SHISA5: variants seen among roughly 807,000 people sequenced by gnomAD.
SHISA5 encodes the protein protein shisa-5.
A neutral mutation model predicts 27.5 loss-of-function variants in SHISA5; 21 were observed. That is an observed-to-expected ratio of 0.76 (90% CI 0.54 to 1.10). The LOEUF is 1.10. Ranked by LOEUF, SHISA5 falls within the 50% of genes least tolerant of loss-of-function variation. The pLI is 0.00. For synonymous variants in SHISA5, 137 were observed against 142.2 expected, an observed-to-expected ratio of 0.96 and a Z score of 0.26; for missense variants, 314 against 336.3, an observed-to-expected ratio of 0.93 and a Z score of 0.52.
rs2040723789 is a variant in SHISA5, at chr3:48,473,688, C to A, written c.315-3845G>T. ...ATGGCTCCTGTAGCTCTTGCGATTA[C>A]AAAGGAATTTGCTTTATAATTACAT... On this transcript the variant is annotated intron_variant, in intron 3 of 5. Transcript: ENST00000296444. The surrounding 1 kb of genome is among the most constrained non-coding windows in gnomAD (Gnocchi z 4.3). 7 of 805,638 alleles carry A rather than the reference C, an allele frequency of 8.7e-6. No homozygotes were observed. Among genetic ancestry groups the A allele is most frequent in the Non-Finnish European group, 1.1e-5 (7 of 666,134 alleles). The allele number at this position is 805,638 out of a possible 1,614,324, so 49.9% of individuals were successfully genotyped here. A position where few individuals can be genotyped will look rare whatever the true frequency, so the allele number is the denominator to read the frequency against.
intron 2 of SHISA5, among the ~76,000 whole-genome samples, chr3:48,486,323 T>TATATATATTATA: frequency 3.3e-4 from 1 of 3,074 alleles, no homozygotes; most frequent in South Asian, 0.02. Flanking sequence ...ATATAATACA[T>TATATATATTATA]TATGTTATAT....
chr3:48,470,018 T>C lies in SHISA5; in HGVS notation c.315-175A>G. On this transcript the variant is annotated intron_variant, in intron 3 of 5. Coordinates refer to ENST00000296444, the MANE Select transcript of SHISA5 (RefSeq NM_016479.6). The surrounding 1 kb of genome is among the most constrained non-coding windows in gnomAD (Gnocchi z 4.3). ...CTGTTTCCTCTTGTGTAAACTGGGG[T>C]ATATGTGAGTCCCTGTAACTGTCTC... is the stretch of plus-strand genomic sequence containing the variant. The C allele has an allele frequency of 1.3e-6, 1 of 779,236 alleles. No individual in the cohort carries two copies. The highest frequency in any genetic ancestry group is 2.0e-6 in the Non-Finnish European group (1 of 490,580). The allele number at this position is 779,236 out of a possible 1,614,324, so 48.3% of individuals were successfully genotyped here.
Position 48,479,221 on chromosome 3 carries a change from G to A in SHISA5, c.270C>T (p.Gly90=). The A allele has an allele frequency of 6.3e-7, 1 of 1,576,336 alleles. No homozygotes were observed. Among genetic ancestry groups the A allele is most frequent in the Middle Eastern group, 1.7e-4 (1 of 5,944 alleles). The change falls in exon 3 of 6, where the codon GGC becomes GGT. Residue 90 remains glycine (G), a synonymous_variant. Coordinates refer to ENST00000296444, the MANE Select transcript of SHISA5 (RefSeq NM_016479.6). Reference sequence around the variant, plus strand: ...AGCCAGGGCGAAACCTCAGCGCCGAGCCCAGCTGCTCCACCGGCTCTACAC... The same window carrying A: ...AGCCAGGGCGAAACCTCAGCGCCGAACCCAGCTGCTCCACCGGCTCTACAC... The part of the protein sequence containing the change: ...PASVEPVEQL[G]SALRFRPGYN...
chr3:48,499,569 A>G (rs2041689035), intron 2 of SHISA5, among the ~76,000 whole-genome samples: 1 of 149,860 alleles, frequency 6.7e-6, no homozygotes, highest in Non-Finnish European at 1.5e-5. Context: ...AGTTCCAGCT[A>G]CTTGGGAGGC....
At chr3:48,502,152 G>A (rs566428385) in intron 1 of SHISA5, among the ~76,000 whole-genome samples, 6 of 152,014 alleles carry the variant, frequency 3.9e-5, no homozygotes, top group Non-Finnish European at 8.8e-5. Flanking sequence ...ATGAGCCACC[G>A]CACCCCAGCC....
chr3:48,473,587 C>T lies in SHISA5; in HGVS notation c.315-3744G>A. Reference sequence around the variant, plus strand: ...CACCAGCACTCTCTCCAATCTGTCTCCCCATGTTCTCCCGGCCACCCTACT... The same window carrying T: ...CACCAGCACTCTCTCCAATCTGTCTTCCCATGTTCTCCCGGCCACCCTACT... On this transcript the variant is annotated intron_variant, in intron 3 of 5. Coordinates refer to ENST00000296444, the MANE Select transcript of SHISA5 (RefSeq NM_016479.6). This position sits in a 1 kb window ranked among gnomAD's most constrained non-coding sequence, Gnocchi z 4.3. The T allele has an allele frequency of 8.1e-7, 1 of 1,239,012 alleles. No homozygotes were observed. The allele number at this position is 1,239,012 out of a possible 1,614,324, so 76.8% of individuals were successfully genotyped here. A position where few individuals can be genotyped will look rare whatever the true frequency, so the allele number is the denominator to read the frequency against.
At position 48,503,512 on chromosome 3, in the gene SHISA5, G is replaced by A. The variant is rs889238150; in HGVS notation, c.76+507C>T. ...CCCCAGCCAGCCTTCCAGACTCTGT[G>A]AATCACCTATCTGCAACCAACACAC... On this transcript the variant is annotated intron_variant, in intron 1 of 5. Coordinates refer to ENST00000296444, the MANE Select transcript of SHISA5 (RefSeq NM_016479.6). Among the ~76,000 whole-genome samples, 9 of 152,306 alleles carry A rather than the reference G, an allele frequency of 5.9e-5. No individual in the cohort carries two copies. The South Asian group carries it at 1.7e-3, about 28-fold the overall frequency.
chr3:48,469,631 G>A lies in SHISA5; in HGVS notation c.431-58C>T. 6.3e-7 allele frequency: 1 copy of A among 1,593,208 alleles called. No homozygotes were observed. The highest frequency in any genetic ancestry group is 8.6e-7 in the Non-Finnish European group (1 of 1,168,690). ...CATCTCCCCAGGTCTTGAGAGCCAG[G>A]CTTGCCACCCATCCCTCCAGCTTAG... On this transcript the variant is annotated intron_variant, in intron 4 of 5. Transcript: ENST00000296444. The surrounding 1 kb of genome is among the most constrained non-coding windows in gnomAD (Gnocchi z 4.6).
intron 3 of SHISA5, among the ~76,000 whole-genome samples, chr3:48,472,830 C>T (rs1298284183): frequency 6.6e-6 from 1 of 152,192 alleles, no homozygotes; most frequent in Non-Finnish European, 1.5e-5. Context: ...CAGGACAAGG[C>T]CCTAAAACAG....
chr3:48,487,819 C>T (rs1380895485), intron 2 of SHISA5, among the ~76,000 whole-genome samples: 2 of 152,180 alleles, frequency 1.3e-5, no homozygotes, highest in African/African-American at 4.8e-5. Flanking sequence ...TCGCTTGAAC[C>T]TGGGAGGCAG....
chr3:48,468,803 C>T lies in SHISA5; in HGVS notation c.*304G>A. On this transcript the variant is annotated 3_prime_UTR_variant, in exon 6 of 6. Coordinates refer to ENST00000296444, the MANE Select transcript of SHISA5 (RefSeq NM_016479.6). Reference sequence around the variant, plus strand: ...TGGAGAGGCCCCCACCTCTCAGGGGCCACCTCACAGGGTGCCCCCCACCAC... The same window carrying T: ...TGGAGAGGCCCCCACCTCTCAGGGGTCACCTCACAGGGTGCCCCCCACCAC... The T allele has an allele frequency of 6.9e-7, 1 of 1,446,070 alleles. No individual in the cohort carries two copies. Among genetic ancestry groups the T allele is most frequent in the Non-Finnish European group, 9.2e-7 (1 of 1,089,400 alleles). 89.6% of individuals were successfully genotyped at this position (1,446,070 alleles called of 1,614,324 possible). A position where few individuals can be genotyped will look rare whatever the true frequency, so the allele number is the denominator to read the frequency against.
rs2040458380 is a variant in SHISA5, at chr3:48,468,773, T to G, written c.*334A>C. On this transcript the variant is annotated 3_prime_UTR_variant, in exon 6 of 6. Transcript: ENST00000296444. ...GTAAGCTGGAGAAGAACTCCAGATGTGCCCTGGAGAGGCCCCCACCTCTCA... is the reference window on the plus strand; with the variant it reads ...GTAAGCTGGAGAAGAACTCCAGATGGGCCCTGGAGAGGCCCCCACCTCTCA... 1 of 1,398,076 alleles carries G rather than the reference T, an allele frequency of 7.2e-7. No individual in the cohort carries two copies. The highest frequency in any genetic ancestry group is 9.4e-7 in the Non-Finnish European group (1 of 1,059,300). 86.6% of individuals were successfully genotyped at this position (1,398,076 alleles called of 1,614,324 possible).
At position 48,473,671 on chromosome 3, in the gene SHISA5, TGTAGCTC is replaced by T. The variant is rs1256451247; in HGVS notation, c.315-3835_315-3829del. On this transcript the variant is annotated intron_variant, in intron 3 of 5. Coordinates refer to ENST00000296444, the MANE Select transcript of SHISA5 (RefSeq NM_016479.6). The surrounding 1 kb of genome is among the most constrained non-coding windows in gnomAD (Gnocchi z 4.3). Reference sequence around the variant, plus strand: ...CTGCTCAAACGCCAGCTATGGCTCCTGTAGCTCTTGCGATTACAAAGGAATTTGCTTT... The same window carrying T: ...CTGCTCAAACGCCAGCTATGGCTCCTTTGCGATTACAAAGGAATTTGCTTT... 9.2e-7 allele frequency: 1 copy of T among 1,083,924 alleles called. No homozygotes were observed. Among genetic ancestry groups the T allele is most frequent in the African/African-American group, 1.7e-5 (1 of 60,114 alleles). The allele number at this position is 1,083,924 out of a possible 1,614,324, so 67.1% of individuals were successfully genotyped here.
At chr3:48,478,491 C>A (rs1351509511) in intron 3 of SHISA5, among the ~76,000 whole-genome samples, 1 of 152,102 alleles carries the variant, frequency 6.6e-6, no homozygotes, top group Non-Finnish European at 1.5e-5. Context: ...GTGGAACAGA[C>A]CCAGGCAGGA....
intron 2 of SHISA5, among the ~76,000 whole-genome samples, chr3:48,486,359 ATTATATATTATATAATATATAATATG>A (rs1163610195): frequency 1.1e-5 from 1 of 93,576 alleles, no homozygotes; most frequent in Admixed American, 1.7e-4. Flanking sequence ...TGTATTATAT[ATTATATATTATATAATATATAATATG>A]TTATATAATG....
At position 48,468,818 on chromosome 3, in the gene SHISA5, C is replaced by A. The variant is rs755582966; in HGVS notation, c.*289G>T. On this transcript the variant is annotated 3_prime_UTR_variant, in exon 6 of 6. Transcript: ENST00000296444. Reference sequence around the variant, plus strand: ...CTCTCAGGGGCCACCTCACAGGGTGCCCCCCACCACCCCATTCTTTGAGTT... The same window carrying A: ...CTCTCAGGGGCCACCTCACAGGGTGACCCCCACCACCCCATTCTTTGAGTT... The A allele has an allele frequency of 6.8e-7, 1 of 1,464,488 alleles. No homozygotes were observed. Among genetic ancestry groups the A allele is most frequent in the Non-Finnish European group, 9.1e-7 (1 of 1,101,246 alleles). 90.7% of individuals were successfully genotyped at this position (1,464,488 alleles called of 1,614,324 possible). A position where few individuals can be genotyped will look rare whatever the true frequency, so the allele number is the denominator to read the frequency against.
chr3:48,497,887 C>CA (rs58891931), intron 2 of SHISA5, among the ~76,000 whole-genome samples: 18,879 of 132,752 alleles, frequency 0.14, 2,948 homozygotes, highest in African/African-American at 0.4. Flanking sequence ...GAGACTGTCT[C>CA]AAAAAAAAAA....
intron 2 of SHISA5, among the ~76,000 whole-genome samples, chr3:48,498,323 C>T (rs1258539246): frequency 6.6e-6 from 1 of 152,186 alleles, no homozygotes; most frequent in Non-Finnish European, 1.5e-5. Flanking sequence ...GCTTTCTCCA[C>T]TTCTACTCAA....
chr3:48,475,383 G>A (rs1376603917), intron 3 of SHISA5, among the ~76,000 whole-genome samples: 2 of 152,132 alleles, frequency 1.3e-5, no homozygotes, highest in East Asian at 1.9e-4. Context: ...AAGGCAGAGG[G>A]GCAGCCACCC....
Sources: allele counts gnomAD v4.1 joint callset (sites outside exome capture counted in the v4.1 genomes callset), GRCh38; gene constraint gnomAD v4.1.1; non-coding constraint Gnocchi (gnomAD v3.1); transcripts MANE v1.5; gene names NCBI Gene and HGNC (gene_info 2026-07-23, HGNC 2026-07-21).